The following FHIP2A variants were observed in gnomAD, a reference collection of about 807,000 sequenced individuals.
FHIP2A encodes the protein family with sequence similarity 160 member B1.
FHIP2A carries 46 observed loss-of-function variants against 93.5 expected under a neutral mutation model. The ratio of observed to expected loss-of-function variants is 0.49; its 90% CI spans 0.39 to 0.63. The LOEUF (loss-of-function observed/expected upper bound fraction) is 0.63, where lower values mean the gene tolerates loss of function less well. Ranked by LOEUF, FHIP2A falls within the 20% of genes least tolerant of loss-of-function variation. FHIP2A has a pLI of 0.00. For synonymous variants in FHIP2A, 332 were observed against 326.5 expected (o/e 1.02, Z -0.18); for missense variants, 769 against 909.7 (o/e 0.85, Z 1.99).
At chr10:114,871,555 C>A (rs1201403806) in intron 16 of FHIP2A, among the ~76,000 whole-genome samples, 2 of 152,114 alleles carry the variant, frequency 1.3e-5, no homozygotes, top group Non-Finnish European at 1.5e-5. Context: ...TTTCCTCACT[C>A]AGCCTTCCAA....
At chr10:114,832,668 T>TG (rs1223699003) in intron 2 of FHIP2A, among the ~76,000 whole-genome samples, 1 of 152,128 alleles carries the variant, frequency 6.6e-6, no homozygotes, top group African/African-American at 2.4e-5. Flanking sequence ...ATTTCTGAAT[T>TG]ACTGTGGATA....
chr10:114,898,841 A>G (rs1208679149), intron 16 of FHIP2A, among the ~76,000 whole-genome samples: 2 of 152,240 alleles, frequency 1.3e-5, no homozygotes, highest in African/African-American at 4.8e-5. Flanking sequence ...AAATCATTGT[A>G]TAAATGGTCT....
In FHIP2A at chr10:114,845,251, T is replaced by C. The variant is rs879803781; in HGVS notation, c.1014-116T>C. On this transcript the variant is annotated intron_variant, in intron 7 of 16. Coordinates refer to ENST00000369248, the MANE Select transcript of FHIP2A (RefSeq NM_020940.4). Reference sequence around the variant, plus strand: ...TCTCACTGTCCTCCAGCATTTCCTGTGTGAATGTACCATACTATCTGAGTG... The same window carrying C: ...TCTCACTGTCCTCCAGCATTTCCTGCGTGAATGTACCATACTATCTGAGTG... The C allele has an allele frequency of 1.1e-5, 6 of 550,930 alleles. No individual in the cohort carries two copies. The Admixed American group carries it at 1.5e-4, about 14-fold the overall frequency. The allele number at this position is 550,930 out of a possible 1,614,324, so 34.1% of individuals were successfully genotyped here.
At chr10:114,831,109 C>A (rs2083605123) in intron 2 of FHIP2A, among the ~76,000 whole-genome samples, 179 bp downstream of exon 2, 1 of 152,228 alleles carries the variant, frequency 6.6e-6, no homozygotes, top group Non-Finnish European at 1.5e-5. Flanking sequence ...TGAGCACCTA[C>A]TACTGTGTGT....
rs767019475 is a variant in FHIP2A, at chr10:114,833,175, G to A, written c.125-58G>A. On this transcript the variant is annotated intron_variant, in intron 2 of 16. Transcript: ENST00000369248. ...AAAAGGGAAATACAGAGTATTTTAG[G>A]TGCAAATATGCAGTTTAAAAATGTT... is the stretch of plus-strand genomic sequence containing the variant. The A allele has an allele frequency of 3.4e-5, 46 of 1,343,172 alleles. No homozygotes were observed. In the South Asian group the frequency reaches 5.9e-4, roughly 17 times the overall value. 83.2% of individuals were successfully genotyped at this position (1,343,172 alleles called of 1,614,324 possible).
intron 3 of FHIP2A, 185 bp downstream of exon 3, chr10:114,833,587 CCAAA>C: frequency 1.9e-6 from 1 of 531,668 alleles, no homozygotes; most frequent in Non-Finnish European, 3.2e-6. Flanking sequence ...TAGAAAGATT[CCAAA>C]CACTCTAGAC....
intron 16 of FHIP2A, among the ~76,000 whole-genome samples, chr10:114,896,402 T>C (rs1275186301): frequency 6.6e-6 from 1 of 152,126 alleles, no homozygotes; most frequent in Admixed American, 6.6e-5. Context: ...CATGGCATCT[T>C]ACAGAAATCA....
intron 16 of FHIP2A, among the ~76,000 whole-genome samples, chr10:114,886,606 G>A (rs539820656): frequency 1.3e-5 from 2 of 152,270 alleles, no homozygotes; most frequent in African/African-American, 4.8e-5. Context: ...GTGCAGTGGT[G>A]TGATATCGGC....
intron 5 of FHIP2A, among the ~76,000 whole-genome samples, chr10:114,839,610 G>A (rs2083656407): frequency 6.6e-6 from 1 of 152,022 alleles, no homozygotes; most frequent in South Asian, 2.1e-4. Context: ...CGGGCGCGGT[G>A]GCTCATGCCT....
intron 4 of FHIP2A, 146 bp downstream of exon 4, chr10:114,835,787 A>C (rs2083633678): frequency 1.8e-6 from 1 of 556,046 alleles, no homozygotes; most frequent in Admixed American, 3.3e-5. Flanking sequence ...TTCTTTATGC[A>C]TCACATAGCA....
intron 16 of FHIP2A, among the ~76,000 whole-genome samples, chr10:114,886,391 T>C (rs1255946483): frequency 6.6e-6 from 1 of 152,010 alleles, no homozygotes; most frequent in Non-Finnish European, 1.5e-5. Context: ...TTTTTTTATC[T>C]GTAGAGTGCC....
chr10:114,859,246 T>C (rs887089541), intron 14 of FHIP2A, among the ~76,000 whole-genome samples: 1 of 152,226 alleles, frequency 6.6e-6, no homozygotes, highest in Non-Finnish European at 1.5e-5. Flanking sequence ...CTTGAGAGTT[T>C]CTGTTTATGT....
At position 114,861,550 on chromosome 10, in the gene FHIP2A, T is replaced by C. The variant is rs778530527; in HGVS notation, c.*10T>C. 6.2e-7 allele frequency: 1 copy of C among 1,612,278 alleles called. No individual in the cohort carries two copies. Among genetic ancestry groups the C allele is most frequent in the East Asian group, 2.2e-5 (1 of 44,852 alleles). ...TTCCTCCACACCATAAATAACATCT[T>C]TCATGTAACTGGGGGAACAGAACTA... is the stretch of plus-strand genomic sequence containing the variant. On this transcript the variant is annotated 3_prime_UTR_variant, in exon 17 of 17. Coordinates refer to ENST00000369248, the MANE Select transcript of FHIP2A (RefSeq NM_020940.4).
chr10:114,892,483 C>T (rs1340180747), intron 16 of FHIP2A, among the ~76,000 whole-genome samples: 1 of 152,080 alleles, frequency 6.6e-6, no homozygotes. Flanking sequence ...ACTAAAACCA[C>T]AAAAATTAGC....
In FHIP2A at chr10:114,864,020, AC is replaced by A; in HGVS notation, c.*2481del. 1 of 998,064 alleles carries A rather than the reference AC, an allele frequency of 1.0e-6. No individual in the cohort carries two copies. The highest frequency in any genetic ancestry group is 1.2e-6 in the Non-Finnish European group (1 of 837,938). 61.8% of individuals were successfully genotyped at this position (998,064 alleles called of 1,614,324 possible). On this transcript the variant is annotated 3_prime_UTR_variant, in exon 17 of 17. Transcript: ENST00000369248. Reference sequence around the variant, plus strand: ...ATAGTACTCACCTTATAACTATGTAACTTTCTCGTAATGTATCTGTTTGTGC... The same window carrying A: ...ATAGTACTCACCTTATAACTATGTAATTTCTCGTAATGTATCTGTTTGTGC...
chr10:114,899,505 A>T (rs367804792), exon 17 of FHIP2A: 1 of 718,532 alleles, frequency 1.4e-6, no homozygotes, highest in East Asian at 2.7e-5. Flanking sequence ...CGTTGCCTTC[A>T]TGGTGGTAAG....
At chr10:114,832,898 G>C (rs994650756) in intron 2 of FHIP2A, among the ~76,000 whole-genome samples, 2 of 152,012 alleles carry the variant, frequency 1.3e-5, no homozygotes, top group Non-Finnish European at 2.9e-5. Context: ...ATTTTTAGTA[G>C]AGAGGAGGTT....
rs114788638 is a variant in FHIP2A at position 114,839,138 on chromosome 10, C to T, written c.522+2892C>T. On this transcript the variant is annotated intron_variant, in intron 5 of 16. Transcript: ENST00000369248. The stretch of plus-strand genomic sequence containing the variant: ...ACGCAGCGTTTTGTTTTTGTTTTTC[C>T]TTTTTTTTTGAGATAGTCTGACTGT... 4.9e-3 allele frequency among the ~76,000 whole-genome samples: 743 copies of T among 150,986 alleles called. 12 individuals carry two copies. Among genetic ancestry groups the T allele is most frequent in the African/African-American group, 0.017 (701 of 41,136 alleles).
At chr10:114,876,993 T>TGA (rs2083892805) in intron 16 of FHIP2A, among the ~76,000 whole-genome samples, 3 of 151,724 alleles carry the variant, frequency 2.0e-5, no homozygotes, top group African/African-American at 7.3e-5. Context: ...CTTCCCAGTA[T>TGA]TGAGCAATTC....
Sources: allele counts gnomAD v4.1 joint callset (sites outside exome capture counted in the v4.1 genomes callset), GRCh38; gene constraint gnomAD v4.1.1; transcripts MANE v1.5; gene names NCBI Gene and HGNC (gene_info 2026-07-23, HGNC 2026-07-21).